The following KSR1 variants were observed in gnomAD, a reference collection of about 807,000 sequenced individuals.
KSR1 encodes the protein kinase suppressor of ras.
In KSR1, 35 loss-of-function variants were observed where a neutral mutation model predicts 92.9. That is an observed-to-expected ratio of 0.38 (90% CI 0.29 to 0.50). KSR1 has a LOEUF of 0.50. Ranked by LOEUF, KSR1 falls within the 20% of genes least tolerant of loss-of-function variation. KSR1 has a pLI of 0.94. For synonymous variants in KSR1, 467 were observed against 472.6 expected (o/e 0.99, Z 0.15); for missense variants, 972 against 1,158.5 (o/e 0.84, Z 2.34).
chr17:27,609,214 G>A lies in KSR1; in HGVS notation c.2110G>A (p.Ala704Thr), dbSNP rs1411966093. 1.2e-6 allele frequency: 2 copies of A among 1,613,940 alleles called. No homozygotes were observed. The highest frequency in any genetic ancestry group is 1.7e-6 in the Non-Finnish European group (2 of 1,179,846). The change falls in exon 16 of 21, where the codon GCC becomes ACC. Residue 704 changes from alanine to threonine, a missense_variant. Around this residue, in one of 5 missense-constraint regions of KSR1, gnomAD observed 260 missense variants for 375.2 expected, o/e 0.69. Transcript: ENST00000644974. ...EIIKGMGYLHAKGIVHKDLKS... is the reference protein window; with the variant it reads ...EIIKGMGYLHTKGIVHKDLKS... Reference sequence around the variant, plus strand: ...CCTCCAGGGCATGGGATATCTTCATGCCAAGGGCATCGTACACAAAGATCT... The same window carrying A: ...CCTCCAGGGCATGGGATATCTTCATACCAAGGGCATCGTACACAAAGATCT...
chr17:27,546,521 C>G (rs2071178591), intron 1 of KSR1, among the ~76,000 whole-genome samples: 1 of 152,154 alleles, frequency 6.6e-6, no homozygotes, highest in African/African-American at 2.4e-5. Flanking sequence ...ATGATAGTAA[C>G]TCCATGATCA....
intron 9 of KSR1, among the ~76,000 whole-genome samples, chr17:27,593,019 G>A (rs953554919): frequency 4.6e-5 from 7 of 152,228 alleles, no homozygotes; most frequent in African/African-American, 1.7e-4. Context: ...CAGCTGCCCA[G>A]CCCCAAAACC....
intron 19 of KSR1, 137 bp downstream of exon 19, chr17:27,617,565 T>C: frequency 9.2e-7 from 1 of 1,089,860 alleles, no homozygotes; most frequent in Non-Finnish European, 1.3e-6. Flanking sequence ...CTCGCTCTTG[T>C]CATCAGGGCT....
intron 2 of KSR1, among the ~76,000 whole-genome samples, chr17:27,550,986 A>G (rs932612377): frequency 4.6e-5 from 7 of 152,204 alleles, no homozygotes; most frequent in Admixed American, 3.3e-4. Flanking sequence ...ATCTGGAAGC[A>G]TTGGCTGTGT....
In KSR1 at chr17:27,459,189, C is replaced by T. The variant is rs2019321192; in HGVS notation, c.231+2315C>T. 6.6e-6 allele frequency among the ~76,000 whole-genome samples: 1 copy of T among 152,178 alleles called. No homozygotes were observed. Among genetic ancestry groups the T allele is most frequent in the South Asian group, 2.1e-4 (1 of 4,830 alleles). ...CCATGACTTCTGAATCTCAAGCTCTCCTGTCTGTAAAATAGGAACGAGACT... is the reference window on the plus strand; with the variant it reads ...CCATGACTTCTGAATCTCAAGCTCTTCTGTCTGTAAAATAGGAACGAGACT... On this transcript the variant is annotated intron_variant, in intron 1 of 20. Transcript: ENST00000644974. The surrounding 1 kb of genome is among the most constrained non-coding windows in gnomAD (Gnocchi z 4.6).
chr17:27,562,174 G>A (rs1214439801), intron 2 of KSR1, among the ~76,000 whole-genome samples: 1 of 152,150 alleles, frequency 6.6e-6, no homozygotes, highest in Non-Finnish European at 1.5e-5. Flanking sequence ...CAATCCTTTG[G>A]ATTTCTGGGC....
chr17:27,552,827 G>A (rs962999349), intron 2 of KSR1, among the ~76,000 whole-genome samples: 2 of 152,212 alleles, frequency 1.3e-5, no homozygotes, highest in African/African-American at 4.8e-5. Context: ...GCCCCTGAGA[G>A]CCTCTGGGTT....
At chr17:27,498,997 A>T (rs914962039) in intron 1 of KSR1, among the ~76,000 whole-genome samples, 1 of 152,180 alleles carries the variant, frequency 6.6e-6, no homozygotes, top group Non-Finnish European at 1.5e-5. Context: ...TGGAATTAGA[A>T]GTCAAGTAAG....
chr17:27,499,141 G>A (rs994701128), intron 1 of KSR1, among the ~76,000 whole-genome samples: 4 of 152,170 alleles, frequency 2.6e-5, no homozygotes, highest in African/African-American at 7.2e-5. Context: ...ACAAGGGTGC[G>A]ATCAGCCTGA....
rs144289391 is a variant in KSR1 at position 27,597,110 on chromosome 17, C to T, written c.1300-158C>T. On this transcript the variant is annotated intron_variant, in intron 9 of 20. Coordinates refer to ENST00000644974, the MANE Select transcript of KSR1 (RefSeq NM_001394583.1). Reference sequence around the variant, plus strand: ...GAGCACTGAGGCGAGGGCCTCTGTGCGCTGCCCTTCCTCAAATGTTAGATG... The same window carrying T: ...GAGCACTGAGGCGAGGGCCTCTGTGTGCTGCCCTTCCTCAAATGTTAGATG... Among the ~76,000 whole-genome samples, 1,265 of 152,308 alleles carry T rather than the reference C, an allele frequency of 8.3e-3. 9 individuals carry two copies. The highest frequency in any genetic ancestry group is 0.068 in the Middle Eastern group (20 of 294).
chr17:27,621,856 A>G (rs2074232104), intron 20 of KSR1: 2 of 1,512,922 alleles, frequency 1.3e-6, no homozygotes. Context: ...CCAGACCTCT[A>G]GCTCCCGACA....
chr17:27,525,808 C>T (rs979122427), intron 1 of KSR1, among the ~76,000 whole-genome samples: 4 of 152,148 alleles, frequency 2.6e-5, no homozygotes, highest in East Asian at 1.9e-4. Context: ...AAGGACACCC[C>T]GGGTAGTCTA....
At chr17:27,608,375 C>G (rs2073821724) in intron 15 of KSR1, among the ~76,000 whole-genome samples, 1 of 152,170 alleles carries the variant, frequency 6.6e-6, no homozygotes, top group Non-Finnish European at 1.5e-5. Flanking sequence ...TATCCTCCCT[C>G]TCTGGATTGG....
rs1000257610 is a variant in KSR1, at chr17:27,564,251, A to G, written c.373-13241A>G. 5.3e-5 allele frequency among the ~76,000 whole-genome samples: 8 copies of G among 152,262 alleles called. No individual in the cohort carries two copies. In the East Asian group the frequency reaches 1.5e-3, roughly 29 times the overall value. The stretch of plus-strand genomic sequence containing the variant: ...GATGATCTGCCTGCCTCGGCCTCCC[A>G]AAGTGTTGGGATTATAGGCGTGAGC... On this transcript the variant is annotated intron_variant, in intron 2 of 20. Transcript: ENST00000644974.
At chr17:27,525,946 G>T (rs1414706656) in intron 1 of KSR1, among the ~76,000 whole-genome samples, 1 of 149,806 alleles carries the variant, frequency 6.7e-6, no homozygotes, top group Non-Finnish European at 1.5e-5. Flanking sequence ...TGGAAGGTGG[G>T]GCCTTGCCCC....
intron 1 of KSR1, among the ~76,000 whole-genome samples, chr17:27,504,005 G>T (rs2069286353): frequency 1.3e-5 from 2 of 152,216 alleles, no homozygotes; most frequent in African/African-American, 4.8e-5. Flanking sequence ...TTGGCATTTG[G>T]ATTAGGCAGG....
At chr17:27,524,772 G>C (rs1047350828) in intron 1 of KSR1, among the ~76,000 whole-genome samples, 10 of 152,108 alleles carry the variant, frequency 6.6e-5, no homozygotes, top group African/African-American at 2.4e-4. Flanking sequence ...AATTATAGGA[G>C]CAGAGAAAAA....
chr17:27,489,577 G>A (rs114572675), intron 1 of KSR1, among the ~76,000 whole-genome samples: 20 of 151,986 alleles, frequency 1.3e-4, no homozygotes, highest in Non-Finnish European at 2.2e-4. Context: ...TCTTCCATCC[G>A]TGTGTACAAA....
rs753167292 is a variant in KSR1 at position 27,456,903 on chromosome 17, C to T, written c.231+29C>T. On this transcript the variant is annotated intron_variant, in intron 1 of 20. Coordinates refer to ENST00000644974, the MANE Select transcript of KSR1 (RefSeq NM_001394583.1). ...AGTGGGTCGGGGACCAGGCTGGGCTCGAGGAGCGGGCCCGGACACCTCCCT... is the reference window on the plus strand; with the variant it reads ...AGTGGGTCGGGGACCAGGCTGGGCTTGAGGAGCGGGCCCGGACACCTCCCT... 3 of 795,540 alleles carry T rather than the reference C, an allele frequency of 3.8e-6. No individual in the cohort carries two copies. The African/African-American group carries it at 5.0e-5, about 13-fold the overall frequency. The allele number at this position is 795,540 out of a possible 1,614,324, so 49.3% of individuals were successfully genotyped here.
Sources: allele counts gnomAD v4.1 joint callset (sites outside exome capture counted in the v4.1 genomes callset), GRCh38; gene constraint gnomAD v4.1.1; regional missense constraint gnomAD v4.1.1; non-coding constraint Gnocchi (gnomAD v3.1); transcripts MANE v1.5; gene names NCBI Gene and HGNC (gene_info 2026-07-23, HGNC 2026-07-21).